The following CRYBG1 variants were observed in gnomAD, a reference collection of about 807,000 sequenced individuals.
CRYBG1 encodes beta/gamma crystallin domain-containing protein 1.
A neutral mutation model predicts 189.2 loss-of-function variants in CRYBG1; 139 were observed. The observed-to-expected ratio is 0.73, with a 90% CI of 0.64 to 0.85. The LOEUF (loss-of-function observed/expected upper bound fraction) is 0.85, where lower values mean the gene tolerates loss of function less well. Among genes scored for constraint, CRYBG1 ranks in the 40% least tolerant of loss-of-function variants. CRYBG1 has a pLI of 0.00. For synonymous variants in CRYBG1, 1,023 were observed against 1,017.1 expected (o/e 1.01, Z -0.11); for missense variants, 2,611 against 2,675.8 (o/e 0.98, Z 0.53).
At chr6:106,478,272 A>T (rs574728852) in intron 2 of CRYBG1, among the ~76,000 whole-genome samples, 1 of 152,360 alleles carries the variant, frequency 6.6e-6, no homozygotes, top group African/African-American at 2.4e-5. Context: ...TTTTGTTTGA[A>T]GATTAGATCT....
intron 13 of CRYBG1, among the ~76,000 whole-genome samples, chr6:106,546,175 T>C (rs569230776): frequency 3.5e-4 from 53 of 152,232 alleles, no homozygotes; most frequent in African/African-American, 1.3e-3. Flanking sequence ...TAGATATGAA[T>C]GGGGTTGGTG....
intron 1 of CRYBG1, among the ~76,000 whole-genome samples, chr6:106,394,350 C>T (rs1770564367): frequency 6.6e-6 from 1 of 152,192 alleles, no homozygotes; most frequent in South Asian, 2.1e-4. Context: ...CTCCGTGACC[C>T]ATTCAATGTC....
chr6:106,456,160 T>A (rs1771884388), intron 2 of CRYBG1, among the ~76,000 whole-genome samples: 1 of 152,230 alleles, frequency 6.6e-6, no homozygotes. Context: ...CTTGTTTTTG[T>A]TTTTGTTTTT....
intron 1 of CRYBG1, among the ~76,000 whole-genome samples, chr6:106,380,334 A>G (rs980176148): frequency 1.2e-4 from 18 of 152,226 alleles, no homozygotes; most frequent in Non-Finnish European, 2.4e-4. Flanking sequence ...TGAATTCCCA[A>G]GAGATTCTGG....
At chr6:106,362,442 G>A (rs1355597679) in intron 1 of CRYBG1, among the ~76,000 whole-genome samples, 1 of 152,172 alleles carries the variant, frequency 6.6e-6, no homozygotes, top group African/African-American at 2.4e-5. Flanking sequence ...TGCAATGATA[G>A]ATGCCAGCAC....
intron 8 of CRYBG1, among the ~76,000 whole-genome samples, chr6:106,531,176 T>C (rs1454841861): frequency 6.6e-6 from 1 of 152,258 alleles, no homozygotes; most frequent in Admixed American, 6.5e-5. Flanking sequence ...TTTTGCATTC[T>C]ATTTATTACT....
rs1028696252 is a variant in CRYBG1 at position 106,377,414 on chromosome 6, G to A, written c.173+16333G>A. ...CGTTTTGCTTCAGCTCTAGATCTGAGTCATGACTTTTAAAAACAAATGCCA... is the reference window on the plus strand; with the variant it reads ...CGTTTTGCTTCAGCTCTAGATCTGAATCATGACTTTTAAAAACAAATGCCA... On this transcript the variant is annotated intron_variant, in intron 1 of 21. Coordinates refer to ENST00000633556, the MANE Select transcript of CRYBG1 (RefSeq NM_001371242.2). Among the ~76,000 whole-genome samples the A allele has an allele frequency of 3.9e-5, 6 of 152,224 alleles. No individual in the cohort carries two copies. The South Asian group carries it at 1.0e-3, about 26-fold the overall frequency.
At chr6:106,368,772 AT>A (rs1313506984) in intron 1 of CRYBG1, among the ~76,000 whole-genome samples, 1 of 152,196 alleles carries the variant, frequency 6.6e-6, no homozygotes, top group African/African-American at 2.4e-5. Context: ...GTTGCTAATT[AT>A]TCAGCCAGTA....
rs1775073018 is a variant in CRYBG1 at position 106,571,892 on chromosome 6, A to C, written c.*3326A>C. 1.4e-6 allele frequency: 1 copy of C among 704,424 alleles called. No homozygotes were observed. The highest frequency in any genetic ancestry group is 2.5e-5 in the Admixed American group (1 of 40,482). The allele number at this position is 704,424 out of a possible 1,614,324, so 43.6% of individuals were successfully genotyped here. A position where few individuals can be genotyped will look rare whatever the true frequency, so the allele number is the denominator to read the frequency against. ...TTAAAGCTTGTATCATGGAATGTATAATCTAATCTGGAAAAATGTTTGAAA... is the reference window on the plus strand; with the variant it reads ...TTAAAGCTTGTATCATGGAATGTATCATCTAATCTGGAAAAATGTTTGAAA... On this transcript the variant is annotated 3_prime_UTR_variant, in exon 22 of 22. Transcript: ENST00000633556.
At chr6:106,522,758 G>A (rs1773639443) in intron 4 of CRYBG1, among the ~76,000 whole-genome samples, 1 of 152,288 alleles carries the variant, frequency 6.6e-6, no homozygotes, top group East Asian at 1.9e-4. Context: ...ACTGCAGCAT[G>A]GTTCAATGTA....
At chr6:106,416,999 CTTTTTTTTTT>C (rs71663353) in intron 1 of CRYBG1, among the ~76,000 whole-genome samples, 3 of 69,504 alleles carry the variant, frequency 4.3e-5, no homozygotes, top group Non-Finnish European at 7.4e-5. Context: ...ATGGGATTTA[CTTTTTTTTTT>C]TTTTTTTTTT....
intron 2 of CRYBG1, among the ~76,000 whole-genome samples, chr6:106,507,707 CT>C (rs1167437031): frequency 6.6e-6 from 1 of 152,194 alleles, no homozygotes; most frequent in Non-Finnish European, 1.5e-5. Context: ...TAGTTTCCCC[CT>C]GAACAATGGA....
At chr6:106,500,559 A>G (rs1772985826) in intron 2 of CRYBG1, among the ~76,000 whole-genome samples, 2 of 151,810 alleles carry the variant, frequency 1.3e-5, no homozygotes, top group Admixed American at 1.3e-4. Flanking sequence ...TATATTTTGG[A>G]TATTAATCCC....
In CRYBG1 at chr6:106,402,006, G is replaced by C. The variant is rs1056949353; in HGVS notation, c.173+40925G>C. On this transcript the variant is annotated intron_variant, in intron 1 of 21. Transcript: ENST00000633556. ...CAAGCATTCTTATACACCAACAACAGACAAACAGAGAGCCAAATCATGAGT... is the reference window on the plus strand; with the variant it reads ...CAAGCATTCTTATACACCAACAACACACAAACAGAGAGCCAAATCATGAGT... 8.8e-5 allele frequency among the ~76,000 whole-genome samples: 13 copies of C among 147,348 alleles called. No individual in the cohort carries two copies. In the Admixed American group the frequency reaches 8.8e-4, roughly 10 times the overall value.
chr6:106,436,561 T>C (rs755154695), intron 1 of CRYBG1, among the ~76,000 whole-genome samples: 2 of 151,330 alleles, frequency 1.3e-5, no homozygotes, highest in African/African-American at 4.9e-5. Flanking sequence ...CCCAAAGTGC[T>C]GAGATTAAGG....
At chr6:106,557,908 C>T (rs1774593367) in intron 17 of CRYBG1, among the ~76,000 whole-genome samples, 1 of 152,142 alleles carries the variant, frequency 6.6e-6, no homozygotes, top group Admixed American at 6.5e-5. Context: ...ACAGTTTGAA[C>T]ATAGAGCTTC....
At position 106,395,371 on chromosome 6, in the gene CRYBG1, TGC is replaced by T. The variant is rs1244178170; in HGVS notation, c.173+34291_173+34292del. Among the ~76,000 whole-genome samples, 13 of 152,140 alleles carry T rather than the reference TGC, an allele frequency of 8.5e-5. No individual in the cohort carries two copies. The South Asian group carries it at 2.7e-3, about 31-fold the overall frequency. On this transcript the variant is annotated intron_variant, in intron 1 of 21. Coordinates refer to ENST00000633556, the MANE Select transcript of CRYBG1 (RefSeq NM_001371242.2). ...TAATTTCTGATCTTATCTTTATATT[TGC>T]TTCCTCCTCATTTGTTTGAATTTAT... is the stretch of plus-strand genomic sequence containing the variant.
At chr6:106,433,139 G>T (rs568644177) in intron 1 of CRYBG1, among the ~76,000 whole-genome samples, 2 of 152,078 alleles carry the variant, frequency 1.3e-5, no homozygotes, top group Admixed American at 1.3e-4. Context: ...ATGCCCAGCC[G>T]CTATTTTCTG....
At chr6:106,420,929 G>C (rs2114388016) in intron 1 of CRYBG1, 1 of 152,550 alleles carries the variant, frequency 6.6e-6, no homozygotes, top group East Asian at 1.9e-4. Flanking sequence ...CCAAATACCA[G>C]AGGAGTCAGG....
Sources: allele counts gnomAD v4.1 joint callset (sites outside exome capture counted in the v4.1 genomes callset), GRCh38; gene constraint gnomAD v4.1.1; transcripts MANE v1.5; gene names NCBI Gene and HGNC (gene_info 2026-07-23, HGNC 2026-07-21).